Variants in SPTAN1 observed in about 807,000 individuals in gnomAD.
The protein encoded by SPTAN1 is spectrin alpha, non-erythrocytic 1.
In SPTAN1, 61 loss-of-function variants were observed where a neutral mutation model predicts 331.3. The observed-to-expected ratio is 0.18, with a 90% CI of 0.15 to 0.23. The LOEUF is 0.23. SPTAN1 is among the 10% of genes least tolerant of loss of function. The probability of loss-of-function intolerance (pLI) is 1.00; values close to 1 mark genes in which losing one functional copy is unlikely to be tolerated. For missense variants in SPTAN1, 2,043 were observed against 3,147.9 expected, an observed-to-expected ratio of 0.65 and a Z score of 8.40; for synonymous variants, 1,153 against 1,173.9, an observed-to-expected ratio of 0.98 and a Z score of 0.36.
chr9:128,628,142 C>A, intron 51 of SPTAN1, 200 bp downstream of exon 51: 1 of 777,926 alleles, frequency 1.3e-6, no homozygotes, highest in Non-Finnish European at 2.3e-6. Flanking sequence ...CCCGATAGAG[C>A]CTTCAAGCCA....
chr9:128,632,923 A>G lies in SPTAN1; in HGVS notation c.7276A>G (p.Lys2426Glu). The change falls in exon 56 of 57, where the codon AAG (lysine) becomes GAG (glutamate). Residue 2426 changes from lysine (K) to glutamate (E), a missense_variant. Coordinates refer to ENST00000372739, the MANE Select transcript of SPTAN1 (RefSeq NM_001130438.3). ...SAFRALSSEG[K>E]PYVTKEELYQ... ...CTTCCGGGCCCTCAGCTCAGAGGGA[A>G]AGCCTTACGTGACCAAGGAGGAGCT... 6.2e-7 allele frequency: 1 copy of G among 1,613,392 alleles called. No homozygotes were observed. Among genetic ancestry groups the G allele is most frequent in the Non-Finnish European group, 8.5e-7 (1 of 1,180,026 alleles).
chr9:128,578,078 G>T, intron 8 of SPTAN1, 32 bp from the exon 9 acceptor site: 1 of 1,613,886 alleles, frequency 6.2e-7, no homozygotes, highest in South Asian at 1.1e-5. Context: ...ACCTCCGCTG[G>T]AAACATAATG....
intron 45 of SPTAN1, among the ~76,000 whole-genome samples, chr9:128,621,478 C>T (rs895774870): frequency 6.6e-6 from 1 of 152,198 alleles, no homozygotes; most frequent in African/African-American, 2.4e-5. Context: ...CTGCATTAAG[C>T]AACAGAGACA....
intron 27 of SPTAN1, among the ~76,000 whole-genome samples, chr9:128,601,950 C>T (rs145893135): frequency 3.9e-5 from 6 of 152,286 alleles, no homozygotes; most frequent in East Asian, 1.9e-4. Flanking sequence ...CCTTTTCTTA[C>T]GTAGCAAAAC....
intron 11 of SPTAN1, among the ~76,000 whole-genome samples, chr9:128,581,302 G>T (rs1851908582): frequency 1.3e-5 from 2 of 152,166 alleles, no homozygotes; most frequent in South Asian, 4.2e-4. Context: ...TTATTAAAGA[G>T]ATTTTTTTCT....
Position 128,600,099 on chromosome 9 carries a change from C to T in SPTAN1, c.3563C>T (p.Thr1188Ile). The T allele has an allele frequency of 6.2e-7, 1 of 1,614,246 alleles. No homozygotes were observed. The highest frequency in any genetic ancestry group is 8.5e-7 in the Non-Finnish European group (1 of 1,180,046). ...GAATAGGATGAAACTGATTCCAAGA[C>T]AGCCTCCCCGTGGAAGGTAAGAACT... The part of the protein sequence containing the change: ...MMPRDETDSK[T>I]ASPWKSARLM... The change falls in exon 27 of 57, where the codon ACA becomes ATA. Residue 1188 changes from threonine (T) to isoleucine (I), a missense_variant. Transcript: ENST00000372739.
intron 3 of SPTAN1, among the ~76,000 whole-genome samples, chr9:128,572,590 T>C (rs572890447): frequency 1.3e-5 from 2 of 152,348 alleles, no homozygotes; most frequent in African/African-American, 4.8e-5. Context: ...AGCTCTCATT[T>C]AATCTTTTAC....
chr9:128,626,777 A>AAG, intron 49 of SPTAN1, 90 bp downstream of exon 49: 1 of 1,216,738 alleles, frequency 8.2e-7, no homozygotes, highest in African/African-American at 3.3e-5. Context: ...GAGTCACGAC[A>AAG]AGACGAGCAG....
At chr9:128,582,350 T>C in intron 12 of SPTAN1, 129 bp from the exon 13 acceptor site, 1 of 820,504 alleles carries the variant, frequency 1.2e-6, no homozygotes, top group Non-Finnish European at 2.1e-6. Flanking sequence ...TCACCAACCT[T>C]TGGGTGAAAA....
At position 128,605,389 on chromosome 9, in the gene SPTAN1, G is replaced by T; in HGVS notation, c.3958G>T (p.Ala1320Ser). ...GGAAAAGTGCACAGAGTTAAACCAGGCCTGGAGCAGCCTGGGGAAACGTGC... is the reference window on the plus strand; with the variant it reads ...GGAAAAGTGCACAGAGTTAAACCAGTCCTGGAGCAGCCTGGGGAAACGTGC... ...LQEKCTELNQ[A>S]WSSLGKRADQ... The change falls in exon 31 of 57, where the codon GCC becomes TCC. Residue 1320 changes from alanine (A) to serine (S), a missense_variant. Physicochemically the swap from Ala to Ser is moderately conservative, Grantham distance 99. Around this residue, in one of 12 missense-constraint regions of SPTAN1, gnomAD observed 179 missense variants for 215.7 expected, o/e 0.83. Transcript: ENST00000372739. The T allele has an allele frequency of 6.2e-7, 1 of 1,614,210 alleles. No homozygotes were observed. Among genetic ancestry groups the T allele is most frequent in the African/African-American group, 1.3e-5 (1 of 75,052 alleles).
At chr9:128,555,726 T>A (rs1487208970) in intron 1 of SPTAN1, among the ~76,000 whole-genome samples, 1 of 152,100 alleles carries the variant, frequency 6.6e-6, no homozygotes, top group Non-Finnish European at 1.5e-5. Flanking sequence ...GTTTGCTGAC[T>A]TTTTATTGGT....
At chr9:128,599,483 T>G (rs1232254927) in intron 26 of SPTAN1, 16 of 96,804 alleles carry the variant, frequency 1.7e-4, no homozygotes, top group East Asian at 6.0e-4. Context: ...AAAAAGTTGG[T>G]TTTTTTTTTT....
chr9:128,624,763 C>A, intron 46 of SPTAN1: 1 of 565,572 alleles, frequency 1.8e-6, no homozygotes. Flanking sequence ...ATGGCATGAA[C>A]AAAGTTGGCA....
chr9:128,553,485 T>G (rs1468011698), intron 1 of SPTAN1: 1 of 152,226 alleles, frequency 6.6e-6, no homozygotes, highest in Non-Finnish European at 1.5e-5. Flanking sequence ...TCAAAAATTC[T>G]ACCATACCAC....
intron 2 of SPTAN1, among the ~76,000 whole-genome samples, chr9:128,567,745 C>T (rs967401057): frequency 2.6e-5 from 4 of 152,006 alleles, no homozygotes; most frequent in Admixed American, 6.6e-5. Flanking sequence ...TCTTATGGTA[C>T]GTAAATTATA....
Position 128,609,128 on chromosome 9 carries a change from A to C in SPTAN1, c.4602A>C (p.Arg1534=), listed in dbSNP as rs1856286216. The change falls in exon 36 of 57, where the codon CGA becomes CGC. Residue 1534 remains arginine (R), a synonymous_variant. Coordinates refer to ENST00000372739, the MANE Select transcript of SPTAN1 (RefSeq NM_001130438.3). ...SRRNEVLDRW[R]RLKAQMIEKR... is the part of the protein sequence containing the mutation. ...CATGGTTTCACTCTTTCAGGTGGCG[A>C]CGTCTGAAAGCCCAGATGATTGAGA... The C allele has an allele frequency of 6.2e-7, 1 of 1,614,178 alleles. No individual in the cohort carries two copies. The highest frequency in any genetic ancestry group is 8.5e-7 in the Non-Finnish European group (1 of 1,180,032).
At chr9:128,598,274 C>CTT (rs1268287662) in intron 24 of SPTAN1, 126 bp from the exon 25 acceptor site, 362 of 591,664 alleles carry the variant, frequency 6.1e-4, no homozygotes, top group Middle Eastern at 9.7e-4. Context: ...TAATCCCCCC[C>CTT]TTTTTTTTTT....
In SPTAN1 at chr9:128,584,390, G is replaced by T. The variant is rs536834252; in HGVS notation, c.2302G>T (p.Ala768Ser). The T allele has an allele frequency of 3.2e-5, 52 of 1,614,154 alleles. No individual in the cohort carries two copies. The South Asian group carries it at 5.5e-4, about 17-fold the overall frequency. ...KQEALVARYEALKEPMVARKQ... is the reference protein window; with the variant it reads ...KQEALVARYESLKEPMVARKQ... ...GGAAGCCCTCGTGGCTCGCTATGAG[G>T]CACTCAAGGAGCCCATGGTTGCCCG... The change falls in exon 17 of 57, where the codon GCA (alanine) becomes TCA (serine). Residue 768 changes from alanine to serine, a missense_variant. By Grantham distance (99) the Ala-to-Ser change is moderately conservative. Transcript: ENST00000372739.
Position 128,633,275 on chromosome 9 carries a change from C to T in SPTAN1, c.7375C>T (p.Arg2459Cys), listed in dbSNP as rs1160694512. The T allele has an allele frequency of 3.7e-6, 6 of 1,613,906 alleles. No individual in the cohort carries two copies. The highest frequency in any genetic ancestry group is 2.2e-5 in the East Asian group (1 of 44,882). Residue 2459 changes from arginine (R) to cysteine (C), a missense_variant, in exon 57 of 57, where the codon CGC (arginine) becomes TGC (cysteine). Arg to Cys is a radical substitution (Grantham distance 180). This residue lies in a region of SPTAN1 where 88 missense variants were observed against 96.5 expected (regional missense o/e 0.91). Coordinates refer to ENST00000372739, the MANE Select transcript of SPTAN1 (RefSeq NM_001130438.3). ...HMKPYVDGKG[R>C]ELPTAFDYVE... ...GAAGCCCTACGTGGACGGCAAGGGC[C>T]GCGAGCTCCCCACCGCGTTCGACTA...
Sources: allele counts gnomAD v4.1 joint callset (sites outside exome capture counted in the v4.1 genomes callset), GRCh38; gene constraint gnomAD v4.1.1; regional missense constraint gnomAD v4.1.1; transcripts MANE v1.5; gene names NCBI Gene and HGNC (gene_info 2026-07-23, HGNC 2026-07-21).